The following ZNF780A variants were observed in gnomAD, a reference collection of about 807,000 sequenced individuals.
ZNF780A encodes the protein zinc finger protein 780A.
Under a neutral mutation model 56.7 loss-of-function variants are expected in ZNF780A, and 40 were observed. The ratio of observed to expected loss-of-function variants is 0.71; its 90% confidence interval spans 0.55 to 0.92. The LOEUF (loss-of-function observed/expected upper bound fraction) is 0.92, where lower values mean the gene tolerates loss of function less well. Ranked by LOEUF, ZNF780A falls within the 40% of genes least tolerant of loss-of-function variation. The pLI is 0.00. For missense variants in ZNF780A, 672 were observed against 783.3 expected, an observed-to-expected ratio of 0.86 and a Z score of 1.70; for synonymous variants, 231 against 248.3, an observed-to-expected ratio of 0.93 and a Z score of 0.66.
At chr19:40,072,289 T>A (rs755572641), downstream of ZNF780A, 1 of 167,690 alleles carries the variant, frequency 6.0e-6, no homozygotes, top group Non-Finnish European at 1.3e-5. Flanking sequence ...TTGGCCAACC[T>A]CCCCAACAGC....
intron 5 of ZNF780A, among the ~76,000 whole-genome samples, chr19:40,077,131 T>C (rs899020282): frequency 7.9e-5 from 12 of 151,994 alleles, no homozygotes; most frequent in Admixed American, 7.2e-4. Context: ...CAGCATACAC[T>C]ATGCTGGGGC....
chr19:40,087,462 G>A (rs1051260540), intron 2 of ZNF780A, among the ~76,000 whole-genome samples: 2 of 152,036 alleles, frequency 1.3e-5, no homozygotes, highest in East Asian at 1.9e-4. Context: ...AACCTCATGG[G>A]TCACATAAAT....
chr19:40,074,472 C>A lies in ZNF780A; in HGVS notation c.*44G>T. 1.2e-6 allele frequency: 2 copies of A among 1,605,430 alleles called. No individual in the cohort carries two copies. The highest frequency in any genetic ancestry group is 1.7e-6 in the Non-Finnish European group (2 of 1,175,642). ...CCAGCACGAATACTCTGATGTTGAA[C>A]ATGGTTTGAGACACGATTAAAGGAC... On this transcript the variant is annotated 3_prime_UTR_variant, in exon 6 of 6. Coordinates refer to ENST00000683561, the MANE Select transcript of ZNF780A (RefSeq NM_001142578.2).
chr19:40,075,912 C>G lies in ZNF780A; in HGVS notation c.530G>C (p.Ser177Thr). 1 of 1,614,096 alleles carries G rather than the reference C, an allele frequency of 6.2e-7. No individual in the cohort carries two copies. The highest frequency in any genetic ancestry group is 8.5e-7 in the Non-Finnish European group (1 of 1,179,984). ...ACTCTGATGCTGAATAAGATTTGCA[C>G]TACGACTAAAGTATTTCCCACATTC... ...CKECGKYFSR[S>T]ANLIQHQSIH... The change falls in exon 6 of 6, where the codon AGT becomes ACT. Residue 177 changes from serine (S) to threonine (T), a missense_variant. By Grantham distance (58) the Ser-to-Thr change is moderately conservative (BLOSUM62 1). Coordinates refer to ENST00000683561, the MANE Select transcript of ZNF780A (RefSeq NM_001142578.2).
intron 5 of ZNF780A, among the ~76,000 whole-genome samples, chr19:40,078,865 C>T (rs1974309488): frequency 6.6e-6 from 1 of 151,850 alleles, no homozygotes; most frequent in Non-Finnish European, 1.5e-5. Flanking sequence ...CAGAAAGAAC[C>T]CAAATGTTAC....
chr19:40,086,015 T>C (rs947211340), intron 2 of ZNF780A, among the ~76,000 whole-genome samples: 2 of 151,848 alleles, frequency 1.3e-5, no homozygotes, highest in African/African-American at 2.4e-5. Flanking sequence ...TGTGTGTGTG[T>C]ATGCATCTCT....
chr19:40,084,646 G>T, intron 3 of ZNF780A, 99 bp downstream of exon 3: 1 of 1,257,660 alleles, frequency 8.0e-7, no homozygotes, highest in Non-Finnish European at 1.1e-6. Flanking sequence ...TGGGGTGTAA[G>T]ATCGTGAATT....
chr19:40,072,915 C>A, downstream of ZNF780A: 1 of 1,550,648 alleles, frequency 6.4e-7, no homozygotes, highest in Non-Finnish European at 8.7e-7. Flanking sequence ...AATGCAGATT[C>A]TGCAATGGAT....
intron 4 of ZNF780A, among the ~76,000 whole-genome samples, chr19:40,082,878 G>A (rs1204367135): frequency 6.6e-6 from 1 of 152,172 alleles, no homozygotes; most frequent in African/African-American, 2.4e-5. Flanking sequence ...GTCATGAAGA[G>A]AGAGGCAATT....
At chr19:40,084,165 T>C (rs1974649901) in intron 3 of ZNF780A, among the ~76,000 whole-genome samples, 1 of 150,928 alleles carries the variant, frequency 6.6e-6, no homozygotes, top group African/African-American at 2.4e-5. Context: ...CACCTCGGCC[T>C]CCCAAAGTGC....
At chr19:40,086,647 A>G (rs1415220094) in intron 2 of ZNF780A, among the ~76,000 whole-genome samples, 1 of 150,894 alleles carries the variant, frequency 6.6e-6, no homozygotes, top group Admixed American at 6.6e-5. Context: ...GAATTCTTAT[A>G]GAATTCTTAT....
chr19:40,072,698 C>A, downstream of ZNF780A: 8 of 955,438 alleles, frequency 8.4e-6, no homozygotes, highest in Non-Finnish European at 9.5e-6. Context: ...GAGAAATGTT[C>A]TAGGTCAGTG....
chr19:40,086,763 C>T (rs896452808), intron 2 of ZNF780A, among the ~76,000 whole-genome samples: 3 of 152,080 alleles, frequency 2.0e-5, no homozygotes, highest in Admixed American at 1.3e-4. Flanking sequence ...AGTGCTGTGG[C>T]CTGATCTCGG....
At chr19:40,070,606 T>G (rs1162438264), downstream of ZNF780A, 1 of 152,248 alleles carries the variant, frequency 6.6e-6, no homozygotes, top group Non-Finnish European at 1.5e-5. Context: ...GAATTCAGTA[T>G]GTTCACTGAG....
At position 40,090,908 on chromosome 19, in the gene ZNF780A, C is replaced by G. The variant is rs1205179699; in HGVS notation, c.-118G>C. On this transcript the variant is annotated splice_region_variant and 5_prime_UTR_variant, in exon 1 of 6. Transcript: ENST00000683561. ...TTCCTCAGACGTGAAGACCTTACCCCGCTATGTCGTCGACCCCGGAGACCG... is the reference window on the plus strand; with the variant it reads ...TTCCTCAGACGTGAAGACCTTACCCGGCTATGTCGTCGACCCCGGAGACCG... 6.6e-6 allele frequency: 1 copy of G among 152,376 alleles called. No homozygotes were observed. Among genetic ancestry groups the G allele is most frequent in the Non-Finnish European group, 1.5e-5 (1 of 68,178 alleles). The allele number at this position is 152,376 out of a possible 1,614,324, so 9.4% of individuals were successfully genotyped here.
At chr19:40,071,407 G>A (rs374913377), downstream of ZNF780A, 3 of 152,126 alleles carry the variant, frequency 2.0e-5, no homozygotes, top group Admixed American at 6.5e-5. Context: ...CAAGGTTCCA[G>A]ACAAAATAAT....
At position 40,084,598 on chromosome 19, in the gene ZNF780A, T is replaced by C. The variant is rs536720121; in HGVS notation, c.9+147A>G. 3.2e-4 allele frequency: 242 copies of C among 767,166 alleles called. No homozygotes were observed. The African/African-American group carries it at 4.0e-3, about 13-fold the overall frequency. 47.5% of individuals were successfully genotyped at this position (767,166 alleles called of 1,614,324 possible). ...CAAATAGGAAGAGCAGTGACTTTTT[T>C]TTTTTTTGTCACCAACCTTCACTGT... On this transcript the variant is annotated intron_variant, in intron 3 of 5. Transcript: ENST00000683561.
At chr19:40,086,497 A>ATT (rs1568458325) in intron 2 of ZNF780A, among the ~76,000 whole-genome samples, 12 of 152,178 alleles carry the variant, frequency 7.9e-5, no homozygotes, top group African/African-American at 2.7e-4. Context: ...CTTTGAATGA[A>ATT]CACAATGCAG....
chr19:40,089,127 A>T, intron 2 of ZNF780A: 1 of 823,944 alleles, frequency 1.2e-6, no homozygotes, highest in Non-Finnish European at 1.7e-6. Flanking sequence ...ATCTCCAATT[A>T]ATAACAATAT....
Sources: allele counts gnomAD v4.1 joint callset (sites outside exome capture counted in the v4.1 genomes callset), GRCh38; gene constraint gnomAD v4.1.1; transcripts MANE v1.5; gene names NCBI Gene and HGNC (gene_info 2026-07-23, HGNC 2026-07-21).